The following LAD1 variants were observed in gnomAD, a reference collection of about 807,000 sequenced individuals.
LAD1 encodes the protein ladinin-1.
A neutral mutation model predicts 54.2 loss-of-function variants in LAD1; 53 were observed. The observed-to-expected ratio is 0.98, with a 90% CI of 0.78 to 1.23. The LOEUF is 1.23. Ranked by LOEUF, LAD1 falls within the 50% of genes most tolerant of loss-of-function variation. The pLI, the probability that LAD1 is intolerant of heterozygous loss-of-function variation, is 0.00. For synonymous variants in LAD1, 231 were observed against 257.7 expected (o/e 0.90, Z 0.99); for missense variants, 637 against 653.3 (o/e 0.98, Z 0.27).
Position 201,382,295 on chromosome 1 carries a change from C to T in LAD1, c.1505G>A (p.Arg502Lys). Residue 502 changes from arginine (R) to lysine (K), a missense_variant, in exon 9 of 10, where the codon AGG (arginine) becomes AAG (lysine). Physicochemically the swap from Arg to Lys is conservative, Grantham distance 26. Transcript: ENST00000391967. ...EAQKASSATE[R>K]TQWGQKSDSS... is the part of the protein sequence containing the mutation. ...GTCAGATTTCTGTCCCCACTGAGTC[C>T]TCTCGGTTGCAGATGATGCTTTCTG... is the stretch of plus-strand genomic sequence containing the variant. The T allele has an allele frequency of 1.2e-6, 2 of 1,613,922 alleles. No homozygotes were observed. The highest frequency in any genetic ancestry group is 1.7e-6 in the Non-Finnish European group (2 of 1,179,906).
chr1:201,386,053 G>T (rs759163750), intron 3 of LAD1, among the ~76,000 whole-genome samples: 1 of 152,176 alleles, frequency 6.6e-6, no homozygotes, highest in Non-Finnish European at 1.5e-5. Context: ...CTAGTCTGCC[G>T]GGGTCCTGGA....
chr1:201,381,623 G>GCT lies in LAD1; in HGVS notation c.*263_*264dup. On this transcript the variant is annotated 3_prime_UTR_variant, in exon 10 of 10. Transcript: ENST00000391967. ...CCCCATAGTGCTGATGTGCACTTGT[G>GCT]CTGTGACCTGGGCAGAGACTGGGTC... 1.7e-6 allele frequency: 1 copy of GCT among 572,662 alleles called. No individual in the cohort carries two copies. Among genetic ancestry groups the GCT allele is most frequent in the East Asian group, 3.1e-5 (1 of 32,750 alleles). The allele number at this position is 572,662 out of a possible 1,614,324, so 35.5% of individuals were successfully genotyped here. A position where few individuals can be genotyped will look rare whatever the true frequency, so the allele number is the denominator to read the frequency against.
In LAD1 at chr1:201,382,653, C is replaced by T. The variant is rs758915762; in HGVS notation, c.1473G>A (p.Gln491=). ...RTQESGDQDP[Q]EAQKASSATE... is the part of the protein sequence containing the mutation. Reference sequence around the variant, plus strand: ...GAGACATCAGGGAGGGTGAGGATACCTGGGGGTCCTGATCTCCAGATTCCT... The same window carrying T: ...GAGACATCAGGGAGGGTGAGGATACTTGGGGGTCCTGATCTCCAGATTCCT... Residue 491 remains glutamine, a splice_region_variant and synonymous_variant, in exon 8 of 10, where the codon CAG becomes CAA. Transcript: ENST00000391967. 3.1e-6 allele frequency: 5 copies of T among 1,595,996 alleles called. No individual in the cohort carries two copies. Among genetic ancestry groups the T allele is most frequent in the Admixed American group, 3.5e-5 (2 of 57,788 alleles).
intron 9 of LAD1, 95 bp from the exon 10 acceptor site, chr1:201,381,988 C>T: frequency 2.2e-6 from 3 of 1,340,378 alleles, no homozygotes; most frequent in South Asian, 2.6e-5. Context: ...TTTGCCCAAG[C>T]CCCACACCCA....
Position 201,399,312 on chromosome 1 carries a change from A to G in LAD1, c.-6T>C. 1 of 1,537,450 alleles carries G rather than the reference A, an allele frequency of 6.5e-7. No homozygotes were observed. ...TCCTTCCTGCTGACAGCCATGCTGC[A>G]GGAGCCCCGCGTGGCCGCCCGCGCC... On this transcript the variant is annotated 5_prime_UTR_variant, in exon 1 of 10. Coordinates refer to ENST00000391967, the MANE Select transcript of LAD1 (RefSeq NM_005558.4).
At chr1:201,386,182 A>G (rs1383675837) in intron 3 of LAD1, among the ~76,000 whole-genome samples, 153 bp downstream of exon 3, 1 of 152,194 alleles carries the variant, frequency 6.6e-6, no homozygotes, top group Non-Finnish European at 1.5e-5. Flanking sequence ...GACCATGGCT[A>G]GAAGCAGGCA....
Position 201,386,990 on chromosome 1 carries a change from G to A in LAD1, c.371C>T (p.Pro124Leu). The change falls in exon 3 of 10, where the codon CCT becomes CTT. Residue 124 changes from proline to leucine, a missense_variant. By Grantham distance (98) the Pro-to-Leu change is moderately conservative. Transcript: ENST00000391967. ...TAGGGGTTTCTGTGTGGCCTGCACA[G>A]GGCTCAAGCTGTTCCTCCCCTCCTC... ...EAEEGRNSLS[P>L]VQATQKPLVS... 6.2e-7 allele frequency: 1 copy of A among 1,609,210 alleles called. No homozygotes were observed. Among genetic ancestry groups the A allele is most frequent in the South Asian group, 1.1e-5 (1 of 90,158 alleles).
chr1:201,384,300 A>G (rs1662028867), intron 5 of LAD1, among the ~76,000 whole-genome samples: 1 of 152,064 alleles, frequency 6.6e-6, no homozygotes, highest in South Asian at 2.1e-4. Flanking sequence ...TTCCTAATAC[A>G]TAAGCACATC....
At position 201,382,141 on chromosome 1, in the gene LAD1, G is replaced by A. The variant is rs903468659; in HGVS notation, c.1548+111C>T. 5.1e-6 allele frequency: 5 copies of A among 978,432 alleles called. No homozygotes were observed. The African/African-American group carries it at 8.0e-5, about 16-fold the overall frequency. 60.6% of individuals were successfully genotyped at this position (978,432 alleles called of 1,614,324 possible). A position where few individuals can be genotyped will look rare whatever the true frequency, so the allele number is the denominator to read the frequency against. ...CATGAGCAGGGATGGGGGCGTTCTG[G>A]GTGGACTGCGCGATTGCAGGCCAAT... On this transcript the variant is annotated intron_variant, in intron 9 of 9. Transcript: ENST00000391967.
intron 1 of LAD1, among the ~76,000 whole-genome samples, chr1:201,397,020 T>A (rs2102361805): frequency 6.6e-6 from 1 of 152,298 alleles, no homozygotes; most frequent in Admixed American, 6.5e-5. Context: ...ACAAGGCCTC[T>A]GACCAGGGCA....
chr1:201,382,217 T>G, intron 9 of LAD1, 35 bp downstream of exon 9: 1 of 1,577,068 alleles, frequency 6.3e-7, no homozygotes, highest in South Asian at 1.1e-5. Context: ...ACCGTGGCCC[T>G]CCGCCGTAGG....
chr1:201,394,587 A>G (rs1045435632), intron 1 of LAD1, among the ~76,000 whole-genome samples: 7 of 152,224 alleles, frequency 4.6e-5, no homozygotes. Context: ...TTCATCATTC[A>G]TTCATCCTTC....
chr1:201,385,268 G>A (rs1448892685), intron 4 of LAD1, among the ~76,000 whole-genome samples: 1 of 152,218 alleles, frequency 6.6e-6, no homozygotes, highest in African/African-American at 2.4e-5. Context: ...AGCAAGACGA[G>A]ATTTCCCCAA....
Position 201,381,545 on chromosome 1 carries a change from C to G in LAD1, c.*343G>C, listed in dbSNP as rs3767523. On this transcript the variant is annotated 3_prime_UTR_variant, in exon 10 of 10. Transcript: ENST00000391967. ...CTGGAGTTCTTGAGGGGCGCCGTGC[C>G]CTGACTGTGGATGTGAGCAGGAAGG... The G allele has an allele frequency of 2.3e-3, 889 of 382,724 alleles. 10 individuals are homozygous for G. In the East Asian group the frequency reaches 0.024, roughly 10 times the overall value. 23.7% of individuals were successfully genotyped at this position (382,724 alleles called of 1,614,324 possible).
intron 1 of LAD1, among the ~76,000 whole-genome samples, chr1:201,398,777 C>T (rs1207857193): frequency 6.6e-6 from 1 of 152,170 alleles, no homozygotes; most frequent in Non-Finnish European, 1.5e-5. Flanking sequence ...TAGTGGGAGA[C>T]GGGTCTGCTT....
At chr1:201,395,062 A>T (rs1026949496) in intron 1 of LAD1, among the ~76,000 whole-genome samples, 7 of 152,194 alleles carry the variant, frequency 4.6e-5, no homozygotes, top group African/African-American at 7.2e-5. Context: ...AGTGTCCCCA[A>T]GCTTTATACT....
In LAD1 at chr1:201,383,354, A is replaced by T. The variant is rs1275795780; in HGVS notation, c.1211T>A (p.Leu404Ter). The T allele has an allele frequency of 3.1e-6, 5 of 1,613,766 alleles. No homozygotes were observed. The highest frequency in any genetic ancestry group is 4.5e-5 in the East Asian group (2 of 44,866). Reference sequence around the variant, plus strand: ...GTGGTATCTCTCCAGCTTCTCTCCCAACTTCACTGTGTTGTCTGGGAGCTT... The same window carrying T: ...GTGGTATCTCTCCAGCTTCTCTCCCTACTTCACTGTGTTGTCTGGGAGCTT... ...SMKLPDNTVK[L>*]GEKLERYHTA... Residue 404 changes from leucine (L) to a stop codon, truncating the protein, a stop_gained, in exon 6 of 10, where the codon TTG becomes TAG. Coordinates refer to ENST00000391967, the MANE Select transcript of LAD1 (RefSeq NM_005558.4). LOFTEE classifies it high-confidence loss of function.
rs1012782020 is a variant in LAD1, at chr1:201,382,263, G to A, written c.1537C>T (p.Leu513=). 1.9e-6 allele frequency: 3 copies of A among 1,613,122 alleles called. No homozygotes were observed. The African/African-American group carries it at 4.0e-5, about 22-fold the overall frequency. The part of the protein sequence containing the change: ...TQWGQKSDSS[L]DAEV ...TCCCCACCATTCACCTCAGCGTCCA[G>A]CGAGGAGTCAGATTTCTGTCCCCAC... The change falls in exon 9 of 10, where the codon CTG becomes TTG. Residue 513 remains leucine (L), a synonymous_variant. Transcript: ENST00000391967.
At chr1:201,398,962 C>T (rs540709375) in intron 1 of LAD1, among the ~76,000 whole-genome samples, 2 of 152,216 alleles carry the variant, frequency 1.3e-5, no homozygotes, top group African/African-American at 4.8e-5. Flanking sequence ...CCACAATCCC[C>T]CAAAACGTTC....
Sources: gnomAD v4.1 joint callset for allele counts (sites outside exome capture counted in the v4.1 genomes callset) on GRCh38, gnomAD v4.1.1 for gene constraint, MANE v1.5 for transcripts, NCBI Gene and HGNC (gene_info 2026-07-23, HGNC 2026-07-21) for gene names.